The following ZBBX variants were observed in gnomAD, a reference collection of about 807,000 sequenced individuals.
ZBBX encodes zinc finger B-box domain-containing protein 1.
A neutral mutation model predicts 108.5 loss-of-function variants in ZBBX; 101 were observed. The observed-to-expected ratio is 0.93, with a 90% CI of 0.79 to 1.10. ZBBX has a LOEUF of 1.10. Ranked by LOEUF, ZBBX falls within the 50% of genes least tolerant of loss-of-function variation. The pLI, the probability that ZBBX is intolerant of heterozygous loss-of-function variation, is 0.00. For missense variants in ZBBX, 1,009 were observed against 941.4 expected, an observed-to-expected ratio of 1.07 and a Z score of -0.94; for synonymous variants, 356 against 323.4, an observed-to-expected ratio of 1.10 and a Z score of -1.08.
chr3:167,243,928 GGGT>G (rs1721127115), intron 20 of ZBBX, among the ~76,000 whole-genome samples: 1 of 151,894 alleles, frequency 6.6e-6, no homozygotes, highest in East Asian at 1.9e-4. Flanking sequence ...CATGATGCAT[GGGT>G]ACGTTCAATA....
the ZBBX span, among the ~76,000 whole-genome samples, chr3:167,232,729 G>A: frequency 2.6e-5 from 4 of 151,820 alleles, no homozygotes; most frequent in African/African-American, 9.7e-5. Flanking sequence ...ATTAAGAAGT[G>A]TTTATGATGA....
intron 19 of ZBBX, among the ~76,000 whole-genome samples, chr3:167,283,715 G>T (rs1224946868): frequency 6.6e-6 from 1 of 151,972 alleles, no homozygotes; most frequent in African/African-American, 2.4e-5. Context: ...GCACGATCTC[G>T]GCTCACTGCA....
intron 6 of ZBBX, among the ~76,000 whole-genome samples, chr3:167,364,472 A>G (rs1406103639): frequency 6.6e-6 from 1 of 152,018 alleles, no homozygotes; most frequent in African/African-American, 2.4e-5. Flanking sequence ...TCTCTTCACT[A>G]GAGAGCTGGC....
chr3:167,225,913 G>A, the ZBBX span, among the ~76,000 whole-genome samples: 1 of 151,514 alleles, frequency 6.6e-6, no homozygotes, highest in Non-Finnish European at 1.5e-5. Context: ...CAGGGTTCTA[G>A]TTATCCACAG....
At chr3:167,334,762 T>C (rs969906191) in intron 9 of ZBBX, among the ~76,000 whole-genome samples, 9 of 151,956 alleles carry the variant, frequency 5.9e-5, no homozygotes, top group African/African-American at 2.2e-4. Context: ...ACATCATAAA[T>C]AAAGAACTAA....
chr3:167,280,196 T>A (rs887272247), intron 20 of ZBBX, among the ~76,000 whole-genome samples: 8 of 152,150 alleles, frequency 5.3e-5, no homozygotes, highest in Admixed American at 2.0e-4. Flanking sequence ...GGGCAAGGAC[T>A]TCATGTCTAA....
chr3:167,379,069 G>A (rs1747409006), intron 2 of ZBBX, among the ~76,000 whole-genome samples: 1 of 152,158 alleles, frequency 6.6e-6, no homozygotes, highest in South Asian at 2.1e-4. Context: ...TGCTAAGTAT[G>A]TAATTTTTTT....
At chr3:167,326,176 T>C (rs994633693) in intron 11 of ZBBX, among the ~76,000 whole-genome samples, 2 of 152,198 alleles carry the variant, frequency 1.3e-5, no homozygotes, top group African/African-American at 4.8e-5. Context: ...TCATGCCATA[T>C]AGAATACTCT....
chr3:167,393,760 A>G (rs904425812), intron 1 of ZBBX, among the ~76,000 whole-genome samples: 2 of 151,910 alleles, frequency 1.3e-5, no homozygotes, highest in African/African-American at 4.8e-5. Context: ...CAATTATCTC[A>G]CTTCTATTTT....
chr3:167,208,944 G>C, the ZBBX span, among the ~76,000 whole-genome samples: 1 of 152,082 alleles, frequency 6.6e-6, no homozygotes, highest in Non-Finnish European at 1.5e-5. Context: ...TGCATTAACG[G>C]GAGAGTCCCA....
intron 20 of ZBBX, among the ~76,000 whole-genome samples, chr3:167,245,577 G>A (rs1380926853): frequency 6.6e-6 from 1 of 151,982 alleles, no homozygotes; most frequent in African/African-American, 2.4e-5. Flanking sequence ...CAGTGTTGAA[G>A]GAGGGGTCTA....
At chr3:167,192,718 G>A in the ZBBX span, among the ~76,000 whole-genome samples, 1 of 152,118 alleles carries the variant, frequency 6.6e-6, no homozygotes, top group East Asian at 1.9e-4. Flanking sequence ...CAAGCTCACT[G>A]ATTCTTTTCT....
chr3:167,203,799 C>T, the ZBBX span, among the ~76,000 whole-genome samples: 5 of 151,866 alleles, frequency 3.3e-5, no homozygotes, highest in East Asian at 1.9e-4. Flanking sequence ...AGACCATAGC[C>T]GAAATGTAAT....
chr3:167,363,332 A>C (rs1744820229), intron 6 of ZBBX, among the ~76,000 whole-genome samples: 1 of 151,992 alleles, frequency 6.6e-6, no homozygotes, highest in African/African-American at 2.4e-5. Flanking sequence ...CCAAGAACTC[A>C]AATTCATCCC....
intron 20 of ZBBX, among the ~76,000 whole-genome samples, chr3:167,280,512 A>G (rs1370384347): frequency 1.6e-4 from 24 of 150,950 alleles, no homozygotes; most frequent in Non-Finnish European, 1.5e-4. Context: ...AATGCTCACC[A>G]TCACTGGCCA....
chr3:167,406,546 C>T (rs1247939370), intron 1 of ZBBX, among the ~76,000 whole-genome samples: 3 of 152,124 alleles, frequency 2.0e-5, no homozygotes, highest in Admixed American at 2.0e-4. Context: ...TGGCAAAACC[C>T]CATCTCTACC....
chr3:167,179,831 A>T, the ZBBX span, among the ~76,000 whole-genome samples: 1 of 152,208 alleles, frequency 6.6e-6, no homozygotes, highest in Non-Finnish European at 1.5e-5. Flanking sequence ...CCAATTAGTT[A>T]ATTTCAAAAA....
At chr3:167,355,044 C>T (rs140140285) in intron 8 of ZBBX, among the ~76,000 whole-genome samples, 6 of 152,050 alleles carry the variant, frequency 3.9e-5, no homozygotes, top group African/African-American at 1.4e-4. Context: ...CAGATGCTTC[C>T]TCAATGATGG....
intron 12 of ZBBX, among the ~76,000 whole-genome samples, chr3:167,320,678 C>T (rs1345514439): frequency 6.6e-6 from 1 of 151,950 alleles, no homozygotes; most frequent in African/African-American, 2.4e-5. Context: ...TTAGCACCAC[C>T]TTAACTATGT....
Sources: gnomAD v4.1 joint callset for allele counts (sites outside exome capture counted in the v4.1 genomes callset) on GRCh38, gnomAD v4.1.1 for gene constraint, MANE v1.5 for transcripts, NCBI Gene and HGNC (gene_info 2026-07-23, HGNC 2026-07-21) for gene names.